The following ZPLD1 variants were observed in gnomAD, a reference collection of about 807,000 sequenced individuals.
The protein encoded by ZPLD1 is zona pellucida like domain containing 1, also known as zona pellucida-like domain-containing protein 1.
Under a neutral mutation model 47.2 loss-of-function variants are expected in ZPLD1, and 34 were observed. That is an observed-to-expected ratio of 0.72 (90% CI 0.55 to 0.96). ZPLD1 has a LOEUF of 0.96. Ranked by LOEUF, ZPLD1 falls within the 40% of genes least tolerant of loss-of-function variation. ZPLD1 has a pLI of 0.00. For missense variants in ZPLD1, 512 were observed against 505.8 expected (o/e 1.01, Z -0.12); for synonymous variants, 176 against 186.2 (o/e 0.95, Z 0.45).
chr3:102,479,438 T>C lies in ZPLD1; in HGVS notation c.*1820T>C, dbSNP rs532839047. 5.9e-5 allele frequency: 9 copies of C among 152,334 alleles called. No homozygotes were observed. The highest frequency in any genetic ancestry group is 8.8e-5 in the Non-Finnish European group (6 of 68,010). The allele number at this position is 152,334 out of a possible 1,614,324, so 9.4% of individuals were successfully genotyped here. On this transcript the variant is annotated 3_prime_UTR_variant, in exon 12 of 12. Coordinates refer to ENST00000466937, the MANE Select transcript of ZPLD1 (RefSeq NM_001329788.2). ...TAGGACATTATATCATTTAAGCTGT[T>C]TTGTCAATTTGATTTTTATGCTTTT...
intron 6 of ZPLD1, among the ~76,000 whole-genome samples, chr3:102,461,219 TA>T (rs1032844700): frequency 1.6e-4 from 24 of 152,074 alleles, no homozygotes; most frequent in Non-Finnish European, 3.4e-4. Flanking sequence ...TAATGAACAT[TA>T]AAACTTTTCT....
intron 7 of ZPLD1, among the ~76,000 whole-genome samples, chr3:102,411,484 G>T (rs796445452): frequency 3.3e-5 from 5 of 151,672 alleles, no homozygotes; most frequent in African/African-American, 1.2e-4. Flanking sequence ...CACTCACATT[G>T]GTTATTGCTG....
chr3:102,390,589 C>T (rs1706484019), intron 6 of ZPLD1, among the ~76,000 whole-genome samples: 1 of 152,166 alleles, frequency 6.6e-6, no homozygotes, highest in Non-Finnish European at 1.5e-5. Flanking sequence ...CCTGTCAGTT[C>T]CTCTACAGAA....
chr3:102,459,606 A>G (rs1031928988), intron 6 of ZPLD1, among the ~76,000 whole-genome samples: 1 of 152,196 alleles, frequency 6.6e-6, no homozygotes, highest in African/African-American at 2.4e-5. Flanking sequence ...TGATAACCTT[A>G]ATATTTTAAT....
intron 7 of ZPLD1, among the ~76,000 whole-genome samples, chr3:102,406,077 A>G (rs1706681946): frequency 6.6e-6 from 1 of 152,018 alleles, no homozygotes. Flanking sequence ...CTTTCAAAAT[A>G]TATTGCTTTT....
chr3:102,388,394 G>T (rs1179026676), intron 6 of ZPLD1, among the ~76,000 whole-genome samples: 1 of 147,960 alleles, frequency 6.8e-6, no homozygotes, highest in East Asian at 2.0e-4. Context: ...TTTTTAAAAC[G>T]TATTAAGCTA....
At chr3:102,437,302 G>A (rs1707105483) in intron 2 of ZPLD1, among the ~76,000 whole-genome samples, 1 of 152,170 alleles carries the variant, frequency 6.6e-6, no homozygotes, top group South Asian at 2.1e-4. Flanking sequence ...ATTTTTGAGA[G>A]TGAGCATGAC....
intron 7 of ZPLD1, among the ~76,000 whole-genome samples, chr3:102,411,151 T>C (rs1158144194): frequency 2.0e-5 from 3 of 151,804 alleles, no homozygotes; most frequent in East Asian, 3.9e-4. Context: ...TTCAAAAGTT[T>C]GTTTTAAATA....
intron 8 of ZPLD1, among the ~76,000 whole-genome samples, chr3:102,423,015 G>A (rs1020374072): frequency 6.6e-6 from 1 of 152,156 alleles, no homozygotes; most frequent in East Asian, 1.9e-4. Context: ...GAGCCACAGG[G>A]AGAACAAGTC....
At chr3:102,472,529 C>A (rs1375354357) in intron 10 of ZPLD1, among the ~76,000 whole-genome samples, 1 of 131,286 alleles carries the variant, frequency 7.6e-6, no homozygotes, top group South Asian at 2.6e-4. Flanking sequence ...GAGACTCTGT[C>A]TCAAAAAAAA....
chr3:102,452,771 A>G, intron 3 of ZPLD1, 148 bp from the exon 4 acceptor site: 1 of 874,296 alleles, frequency 1.1e-6, no homozygotes, highest in Non-Finnish European at 1.7e-6. Flanking sequence ...ACTTTACTTA[A>G]TAGCTGGCAC....
exon 6 of ZPLD1, chr3:102,385,201 T>C (rs982776594): frequency 1.3e-5 from 2 of 152,208 alleles, no homozygotes; most frequent in Non-Finnish European, 2.9e-5. Context: ...GTCTCCACAT[T>C]TGTCCAGTTG....
chr3:102,428,045 T>C (rs890483527), intron 8 of ZPLD1, among the ~76,000 whole-genome samples: 6 of 152,162 alleles, frequency 3.9e-5, no homozygotes, highest in African/African-American at 1.2e-4. Context: ...ATTAGTAAAG[T>C]CACATCAAAC....
chr3:102,413,138 GAAAC>G (rs1332204546), intron 7 of ZPLD1, among the ~76,000 whole-genome samples: 1 of 151,484 alleles, frequency 6.6e-6, no homozygotes, highest in African/African-American at 2.4e-5. Context: ...AATATATATA[GAAAC>G]AAACAAATAA....
intron 10 of ZPLD1, among the ~76,000 whole-genome samples, chr3:102,474,823 T>C (rs981838691): frequency 2.6e-5 from 4 of 152,164 alleles, no homozygotes; most frequent in African/African-American, 7.2e-5. Context: ...AAAAGTTTGG[T>C]ATTCCAATCA....
rs1400291886 is a variant in ZPLD1, at chr3:102,438,575, C to A, written c.88C>A (p.Leu30Ile). ...CAACGGCTACAACTGTGATGCCAAC[C>A]TCCACAGTAGATTTCCTGGTAAGTG... Reference protein sequence around the residue: ...QFNGYNCDANLHSRFPAERDI... With the variant: ...QFNGYNCDANIHSRFPAERDI... The change falls in exon 3 of 12, where the codon CTC becomes ATC. Residue 30 changes from leucine to isoleucine, a missense_variant. Leu to Ile is a conservative substitution (Grantham distance 5). Coordinates refer to ENST00000466937, the MANE Select transcript of ZPLD1 (RefSeq NM_001329788.2). 1 of 1,613,004 alleles carries A rather than the reference C, an allele frequency of 6.2e-7. No homozygotes were observed. The highest frequency in any genetic ancestry group is 1.1e-5 in the South Asian group (1 of 91,042).
chr3:102,413,511 A>T (rs1706769576), intron 7 of ZPLD1, among the ~76,000 whole-genome samples: 1 of 151,834 alleles, frequency 6.6e-6, no homozygotes, highest in Non-Finnish European at 1.5e-5. Flanking sequence ...GTTTTATAAA[A>T]TCTGTTAGAC....
chr3:102,421,456 C>A (rs1706878978), intron 8 of ZPLD1, among the ~76,000 whole-genome samples: 1 of 151,436 alleles, frequency 6.6e-6, no homozygotes, highest in Non-Finnish European at 1.5e-5. Context: ...AATTGTTATC[C>A]ATAGGTACAC....
chr3:102,477,046 G>T lies in ZPLD1; in HGVS notation c.1072+5G>T, dbSNP rs1211835168. 2.5e-6 allele frequency: 4 copies of T among 1,613,362 alleles called. No homozygotes were observed. Among genetic ancestry groups the T allele is most frequent in the Non-Finnish European group, 3.4e-6 (4 of 1,179,598 alleles). On this transcript the variant is annotated splice_donor_5th_base_variant and intron_variant, in intron 11 of 11. Transcript: ENST00000466937. ...CAACCAACAATTCGCAACTTGGTAA[G>T]ATAATTAACATATTTTGCAATGTTT... is the stretch of plus-strand genomic sequence containing the variant.
Sources: allele counts gnomAD v4.1 joint callset (sites outside exome capture counted in the v4.1 genomes callset), GRCh38; gene constraint gnomAD v4.1.1; transcripts MANE v1.5; gene names NCBI Gene and HGNC (gene_info 2026-07-23, HGNC 2026-07-21).